VTCN1: variants seen among roughly 807,000 people sequenced by gnomAD.
The protein encoded by VTCN1 is V-set domain containing T cell activation inhibitor 1, also known as V-set domain-containing T-cell activation inhibitor 1.
A neutral mutation model predicts 26.5 loss-of-function variants in VTCN1; 26 were observed. The ratio of observed to expected loss-of-function variants is 0.98; its 90% confidence interval spans 0.72 to 1.36. The LOEUF (loss-of-function observed/expected upper bound fraction) is 1.36, where lower values mean the gene tolerates loss of function less well. Among genes scored for constraint, VTCN1 ranks in the 40% most tolerant of loss-of-function variants. VTCN1 has a pLI of 0.00. For synonymous variants in VTCN1, 116 were observed against 130.7 expected (o/e 0.89, Z 0.77); for missense variants, 298 against 337.7 (o/e 0.88, Z 0.92).
chr1:117,173,255 A>G, intron 1 of VTCN1: 2 of 702,962 alleles, frequency 2.8e-6, no homozygotes, highest in Non-Finnish European at 5.3e-6. Flanking sequence ...TAAATTCCGG[A>G]CACAATTGCA....
intron 1 of VTCN1, chr1:117,173,186 C>T (rs1294624451): frequency 2.8e-6 from 2 of 716,636 alleles, no homozygotes; most frequent in Non-Finnish European, 5.2e-6. Flanking sequence ...GTAACACTCA[C>T]CGCGAGGTCA....
intron 1 of VTCN1, 104 bp from the exon 2 acceptor site, chr1:117,170,275 AAGCAT>A: frequency 9.0e-7 from 1 of 1,106,106 alleles, no homozygotes; most frequent in Non-Finnish European, 1.4e-6. Context: ...GAGTTACATA[AAGCAT>A]CTCAACTTTT....
chr1:117,176,036 C>CCTCCA (rs1229880351), intron 1 of VTCN1, among the ~76,000 whole-genome samples: 12 of 152,184 alleles, frequency 7.9e-5, no homozygotes, highest in Admixed American at 5.9e-4. Context: ...TCCCAAAGTG[C>CCTCCA]TGGGATTACA....
chr1:117,203,466 A>G lies in VTCN1; in HGVS notation c.32+7358T>C, dbSNP rs1648895150. Among the ~76,000 whole-genome samples, 3 of 152,150 alleles carry G rather than the reference A, an allele frequency of 2.0e-5. No individual in the cohort carries two copies. In the South Asian group the frequency reaches 6.2e-4, roughly 32 times the overall value. On this transcript the variant is annotated intron_variant, in intron 1 of 5. Coordinates refer to ENST00000369458, the MANE Select transcript of VTCN1 (RefSeq NM_024626.4). ...TTTAAATTGCAGAAAAAGAAAGAGGAAAAACTGCCTGCCCTCTTTCCCATG... is the reference window on the plus strand; with the variant it reads ...TTTAAATTGCAGAAAAAGAAAGAGGGAAAACTGCCTGCCCTCTTTCCCATG...
At chr1:117,184,696 C>T (rs533209728) in intron 1 of VTCN1, among the ~76,000 whole-genome samples, 1 of 152,132 alleles carries the variant, frequency 6.6e-6, no homozygotes, top group Non-Finnish European at 1.5e-5. Context: ...GTGTATGTAG[C>T]GTTGGGAGGA....
In VTCN1 at chr1:117,159,275, C is replaced by T. The variant is rs1375921910; in HGVS notation, c.98-2354G>A. On this transcript the variant is annotated intron_variant, in intron 2 of 5. Coordinates refer to ENST00000369458, the MANE Select transcript of VTCN1 (RefSeq NM_024626.4). This position sits in a 1 kb window ranked among gnomAD's most constrained non-coding sequence, Gnocchi z 4.7. ...TGGAAGAAAAAGAGGTTTAATTGAA[C>T]TTAACAGTTTCACATGGCTGGGGAG... Among the ~76,000 whole-genome samples, 1 of 152,190 alleles carries T rather than the reference C, an allele frequency of 6.6e-6. No individual in the cohort carries two copies. The highest frequency in any genetic ancestry group is 1.9e-4 in the East Asian group (1 of 5,202).
intron 1 of VTCN1, among the ~76,000 whole-genome samples, chr1:117,199,422 C>T (rs1002682662): frequency 4.6e-5 from 7 of 152,132 alleles, no homozygotes; most frequent in East Asian, 1.9e-4. Context: ...GCCTCACAGG[C>T]TCAAGCAATT....
chr1:117,195,220 C>T (rs1457336882), intron 1 of VTCN1, among the ~76,000 whole-genome samples: 2 of 151,150 alleles, frequency 1.3e-5, no homozygotes, highest in Non-Finnish European at 1.5e-5. Flanking sequence ...AGAGATCACA[C>T]CACTGTACTC....
At chr1:117,188,986 A>G (rs1648103547) in intron 1 of VTCN1, among the ~76,000 whole-genome samples, 1 of 152,260 alleles carries the variant, frequency 6.6e-6, no homozygotes, top group Admixed American at 6.5e-5. Context: ...TATAAAGTCC[A>G]GATGTCTGTG....
chr1:117,147,764 C>T lies in VTCN1; in HGVS notation c.743G>A (p.Arg248Gln), dbSNP rs770820854. ...IKVTESEIKRRSHLQLLNSKA... is the reference protein window; with the variant it reads ...IKVTESEIKRQSHLQLLNSKA... ...TGAGTTTAGCAGCTGTAGGTGACTC[C>T]GCCTTTTGATCTCCGATTCTGTGAA... Residue 248 changes from arginine to glutamine, a missense_variant, in exon 5 of 6, where the codon CGG (arginine) becomes CAG (glutamine). Arg to Gln is a conservative substitution (Grantham distance 43). Transcript: ENST00000369458. The surrounding 1 kb of genome is among the most constrained non-coding windows in gnomAD (Gnocchi z 4.6). 20 of 1,613,248 alleles carry T rather than the reference C, an allele frequency of 1.2e-5. No individual in the cohort carries two copies. The highest frequency in any genetic ancestry group is 4.0e-5 in the African/African-American group (3 of 74,812).
chr1:117,147,225 G>T lies in VTCN1; in HGVS notation c.*45+388C>A, dbSNP rs371571944. ...CATCTGCCAACTGTCCACAGGGGCC[G>T]GCTGGAAGGGCAGGGAGGGGTTTTA... On this transcript the variant is annotated intron_variant, in intron 5 of 5. Coordinates refer to ENST00000369458, the MANE Select transcript of VTCN1 (RefSeq NM_024626.4). This position sits in a 1 kb window ranked among gnomAD's most constrained non-coding sequence, Gnocchi z 4.6. 3.9e-5 allele frequency among the ~76,000 whole-genome samples: 6 copies of T among 152,262 alleles called. No individual in the cohort carries two copies. The Middle Eastern group carries it at 0.01, about 259-fold the overall frequency.
intron 1 of VTCN1, among the ~76,000 whole-genome samples, chr1:117,171,266 G>A (rs1652904915): frequency 6.6e-6 from 1 of 152,090 alleles, no homozygotes; most frequent in Non-Finnish European, 1.5e-5. Flanking sequence ...ATGGACATTT[G>A]GGTTGGTTCC....
intron 1 of VTCN1, among the ~76,000 whole-genome samples, chr1:117,197,174 C>T (rs1166024906): frequency 6.6e-6 from 1 of 152,138 alleles, no homozygotes; most frequent in African/African-American, 2.4e-5. Flanking sequence ...ATTAGTGAAA[C>T]TGTAAGTACT....
intron 4 of VTCN1, among the ~76,000 whole-genome samples, chr1:117,149,411 C>T (rs1396778204): frequency 6.6e-6 from 1 of 151,778 alleles, no homozygotes; most frequent in African/African-American, 2.4e-5. Context: ...AAGGACTGTA[C>T]ATTATTTTGT....
At chr1:117,204,250 AC>A (rs1648931940) in intron 1 of VTCN1, among the ~76,000 whole-genome samples, 2 of 152,154 alleles carry the variant, frequency 1.3e-5, no homozygotes, top group Non-Finnish European at 2.9e-5. Flanking sequence ...TACTTTATTA[AC>A]TCACTTAGTC....
In VTCN1 at chr1:117,186,972, C is replaced by A. The variant is rs554751247; in HGVS notation, c.33-16801G>T. Among the ~76,000 whole-genome samples the A allele has an allele frequency of 4.6e-5, 7 of 152,172 alleles. No homozygotes were observed. The East Asian group carries it at 1.4e-3, about 29-fold the overall frequency. ...ACAGGTGGCTGCTAAGATTTCTGGG[C>A]CCTTTTACAAACCTTTAAAAAAGGA... On this transcript the variant is annotated intron_variant, in intron 1 of 5. Coordinates refer to ENST00000369458, the MANE Select transcript of VTCN1 (RefSeq NM_024626.4).
At position 117,147,781 on chromosome 1, in the gene VTCN1, T is replaced by A; in HGVS notation, c.726A>T (p.Glu242Asp). Residue 242 changes from glutamate to aspartate, a missense_variant and splice_region_variant, in exon 5 of 6, where the codon GAA (glutamate) becomes GAT (aspartate). Transcript: ENST00000369458. This position sits in a 1 kb window ranked among gnomAD's most constrained non-coding sequence, Gnocchi z 4.6. ...AKATGDIKVT[E>D]SEIKRRSHLQ... The stretch of plus-strand genomic sequence containing the variant: ...GGTGACTCCGCCTTTTGATCTCCGA[T>A]TCTGTGAAGTGAGAGAAAAAGTTTA... The A allele has an allele frequency of 6.2e-7, 1 of 1,613,254 alleles. No homozygotes were observed. Among genetic ancestry groups the A allele is most frequent in the Admixed American group, 1.7e-5 (1 of 59,808 alleles).
intron 2 of VTCN1, among the ~76,000 whole-genome samples, chr1:117,165,782 C>T (rs1326225375): frequency 2.0e-5 from 3 of 152,200 alleles, no homozygotes; most frequent in East Asian, 1.9e-4. Flanking sequence ...AGTGCAAGAA[C>T]GGCCTAATAC....
rs940925451 is a variant in VTCN1, at chr1:117,203,758, T to C, written c.32+7066A>G. On this transcript the variant is annotated intron_variant, in intron 1 of 5. Coordinates refer to ENST00000369458, the MANE Select transcript of VTCN1 (RefSeq NM_024626.4). ...TATCTGGATTAAATCCTTGTGCTTT[T>C]CTGGAGGAATCAGGGAGCACAGAGC... 7.1e-6 allele frequency: 7 copies of C among 985,276 alleles called. No individual in the cohort carries two copies. In the African/African-American group the frequency reaches 1.2e-4, roughly 17 times the overall value. The allele number at this position is 985,276 out of a possible 1,614,324, so 61.0% of individuals were successfully genotyped here.
Sources: allele counts gnomAD v4.1 joint callset (sites outside exome capture counted in the v4.1 genomes callset), GRCh38; gene constraint gnomAD v4.1.1; non-coding constraint Gnocchi (gnomAD v3.1); transcripts MANE v1.5; gene names NCBI Gene and HGNC (gene_info 2026-07-23, HGNC 2026-07-21).